The following COL14A1 variants were observed in gnomAD, a reference collection of about 807,000 sequenced individuals.
COL14A1 encodes the protein collagen type XIV alpha 1 chain.
COL14A1 carries 136 observed loss-of-function variants against 230.3 expected under a neutral mutation model. The observed-to-expected ratio is 0.59, with a 90% CI of 0.51 to 0.68. COL14A1 has a LOEUF of 0.68. Among genes scored for constraint, COL14A1 ranks in the 30% least tolerant of loss-of-function variants. The probability of loss-of-function intolerance (pLI) is 0.00; values close to 1 mark genes in which losing one functional copy is unlikely to be tolerated. For synonymous variants in COL14A1, 792 were observed against 784.1 expected, an observed-to-expected ratio of 1.01 and a Z score of -0.17; for missense variants, 1,976 against 2,215.8, an observed-to-expected ratio of 0.89 and a Z score of 2.17.
chr8:120,306,364 G>C (rs1053418746), intron 36 of COL14A1, among the ~76,000 whole-genome samples: 2 of 152,026 alleles, frequency 1.3e-5, no homozygotes, highest in African/African-American at 4.8e-5. Context: ...ATTGGAGGGG[G>C]AAGAAAGATG....
At chr8:120,295,989 A>G (rs1820515998) in intron 34 of COL14A1, among the ~76,000 whole-genome samples, 1 of 151,936 alleles carries the variant, frequency 6.6e-6, no homozygotes, top group South Asian at 2.1e-4. Flanking sequence ...AATAAGCTAT[A>G]ATGTATTTTT....
intron 5 of COL14A1, among the ~76,000 whole-genome samples, chr8:120,192,838 T>G (rs1370928312): frequency 2.6e-5 from 4 of 152,240 alleles, no homozygotes; most frequent in East Asian, 1.9e-4. Flanking sequence ...TTGATCGCAT[T>G]GGCTCCTGAG....
chr8:120,247,577 A>T, intron 20 of COL14A1, 36 bp from the exon 21 acceptor site: 4 of 1,595,834 alleles, frequency 2.5e-6, no homozygotes, highest in Non-Finnish European at 3.4e-6. Flanking sequence ...AGGAAATTAC[A>T]CTGAATCCCT....
intron 14 of COL14A1, among the ~76,000 whole-genome samples, chr8:120,219,683 T>G (rs1254269252): frequency 6.6e-6 from 1 of 152,186 alleles, no homozygotes; most frequent in Non-Finnish European, 1.5e-5. Context: ...GGACACAACC[T>G]TCCAGACCAT....
chr8:120,208,111 T>A, intron 10 of COL14A1, 121 bp from the exon 11 acceptor site: 1 of 962,658 alleles, frequency 1.0e-6, no homozygotes, highest in Non-Finnish European at 1.5e-6. Flanking sequence ...GAAAGGGGGA[T>A]GTGGCACAAA....
chr8:120,164,514 G>A (rs145163297), intron 4 of COL14A1, among the ~76,000 whole-genome samples: 1,625 of 151,928 alleles, frequency 0.011, 21 homozygotes, highest in Non-Finnish European at 0.014. Flanking sequence ...TGGAAAAATC[G>A]CAATTACTTT....
chr8:120,137,280 T>C lies in COL14A1; in HGVS notation c.-37-10526T>C, dbSNP rs1355985439. Among the ~76,000 whole-genome samples the C allele has an allele frequency of 2.0e-5, 3 of 152,182 alleles. No individual in the cohort carries two copies. The East Asian group carries it at 5.8e-4, about 29-fold the overall frequency. ...AGTTATTTGTATTTTTCCTTTTTAA[T>C]TGTTTTTTAGTTTGTGAAGTAGGCA... is the stretch of plus-strand genomic sequence containing the variant. On this transcript the variant is annotated intron_variant, in intron 1 of 47. Transcript: ENST00000297848.
At chr8:120,310,686 C>T (rs1212441569) in intron 37 of COL14A1, among the ~76,000 whole-genome samples, 1 of 152,228 alleles carries the variant, frequency 6.6e-6, no homozygotes, top group East Asian at 1.9e-4. Flanking sequence ...CATCTTCTCT[C>T]CAGCTCTTGG....
At chr8:120,136,888 C>G (rs1206879377) in intron 1 of COL14A1, among the ~76,000 whole-genome samples, 3 of 140,794 alleles carry the variant, frequency 2.1e-5, no homozygotes, top group Non-Finnish European at 4.5e-5. Context: ...TTGCTTGAAC[C>G]CGGTAGGAGG....
At chr8:120,164,739 T>C (rs1815806952) in intron 4 of COL14A1, among the ~76,000 whole-genome samples, 1 of 152,246 alleles carries the variant, frequency 6.6e-6, no homozygotes, top group African/African-American at 2.4e-5. Context: ...ATCAGCCTTC[T>C]GTCTCATTTT....
chr8:120,280,843 GA>G, intron 30 of COL14A1, 77 bp from the exon 31 acceptor site: 1 of 1,478,048 alleles, frequency 6.8e-7, no homozygotes, highest in Non-Finnish European at 9.1e-7. Context: ...ATCCTTAATA[GA>G]AAAATATTAA....
At chr8:120,208,743 A>G (rs1025121214) in intron 11 of COL14A1, among the ~76,000 whole-genome samples, 2 of 152,194 alleles carry the variant, frequency 1.3e-5, no homozygotes, top group African/African-American at 4.8e-5. Context: ...ATGCCAAGGA[A>G]ATTATGTTAC....
chr8:120,309,539 G>C (rs1820960232), intron 36 of COL14A1, among the ~76,000 whole-genome samples: 1 of 152,018 alleles, frequency 6.6e-6, no homozygotes, highest in Admixed American at 6.6e-5. Context: ...AAATATGAAT[G>C]ACAACTTTCA....
chr8:120,260,008 T>C (rs1012280121), intron 23 of COL14A1, among the ~76,000 whole-genome samples: 1 of 152,170 alleles, frequency 6.6e-6, no homozygotes, highest in Non-Finnish European at 1.5e-5. Flanking sequence ...ACATAATATA[T>C]AATCTCACAA....
chr8:120,357,064 T>C (rs1048337741), intron 45 of COL14A1, among the ~76,000 whole-genome samples: 6 of 152,230 alleles, frequency 3.9e-5, no homozygotes, highest in Admixed American at 3.9e-4. Context: ...TATGTATTAG[T>C]GAGCTATTGC....
intron 5 of COL14A1, among the ~76,000 whole-genome samples, chr8:120,184,243 T>G (rs575997858): frequency 3.4e-4 from 51 of 148,954 alleles, no homozygotes; most frequent in African/African-American, 1.2e-3. Context: ...ATTTATTTAT[T>G]TATTTATTTA....
rs962736184 is a variant in COL14A1, at chr8:120,245,609, G to A, written c.2479+1601G>A. Among the ~76,000 whole-genome samples the A allele has an allele frequency of 5.9e-5, 9 of 152,126 alleles. No homozygotes were observed. The East Asian group carries it at 1.7e-3, about 29-fold the overall frequency. On this transcript the variant is annotated intron_variant, in intron 20 of 47. Coordinates refer to ENST00000297848, the MANE Select transcript of COL14A1 (RefSeq NM_021110.4). ...ACAATTGTTTGGGTCAGGAAATTAG[G>A]CAGGACTTGCTGGGAAAGTCTGCTC... is the stretch of plus-strand genomic sequence containing the variant.
intron 5 of COL14A1, among the ~76,000 whole-genome samples, chr8:120,173,548 C>A (rs926161786): frequency 4.1e-5 from 4 of 97,708 alleles, no homozygotes; most frequent in Admixed American, 2.6e-4. Context: ...CATTCTCTTG[C>A]TCTCTAGCAA....
intron 4 of COL14A1, among the ~76,000 whole-genome samples, chr8:120,167,871 GATA>G (rs1480117845): frequency 1.3e-5 from 2 of 152,150 alleles, no homozygotes; most frequent in African/African-American, 4.8e-5. Context: ...ATAAGCTAGG[GATA>G]ATTATGCTGA....
Sources: allele counts gnomAD v4.1 joint callset (sites outside exome capture counted in the v4.1 genomes callset), GRCh38; gene constraint gnomAD v4.1.1; transcripts MANE v1.5; gene names NCBI Gene and HGNC (gene_info 2026-07-23, HGNC 2026-07-21).